The following PARD3B variants were observed in gnomAD, a reference collection of about 807,000 sequenced individuals.
PARD3B encodes par-3 family cell polarity regulator beta.
PARD3B carries 103 observed loss-of-function variants against 130.2 expected under a neutral mutation model. The ratio of observed to expected loss-of-function variants is 0.79; its 90% CI spans 0.67 to 0.93. The LOEUF is 0.93. Ranked by LOEUF, PARD3B falls within the 40% of genes least tolerant of loss-of-function variation. The pLI is 0.00. For synonymous variants in PARD3B, 583 were observed against 553.2 expected, an observed-to-expected ratio of 1.05 and a Z score of -0.76; for missense variants, 1,609 against 1,499.2, an observed-to-expected ratio of 1.07 and a Z score of -1.21.
intron 16 of PARD3B, among the ~76,000 whole-genome samples, chr2:205,298,296 C>G (rs1036148400): frequency 6.6e-6 from 1 of 152,156 alleles, no homozygotes; most frequent in African/African-American, 2.4e-5. Context: ...AAAGCTTTTA[C>G]TATTGCTTCT....
At chr2:205,037,604 T>G (rs558334877) in intron 3 of PARD3B, among the ~76,000 whole-genome samples, 1 of 148,298 alleles carries the variant, frequency 6.7e-6, no homozygotes, top group Non-Finnish European at 1.5e-5. Flanking sequence ...TATATATATT[T>G]TATATATATT....
At chr2:204,901,565 A>G (rs573033463) in intron 2 of PARD3B, among the ~76,000 whole-genome samples, 5 of 151,792 alleles carry the variant, frequency 3.3e-5, no homozygotes, top group Admixed American at 3.3e-4. Context: ...GGAACCCTAG[A>G]ATCTACTTGG....
At chr2:205,208,584 C>T (rs2037450385) in intron 15 of PARD3B, among the ~76,000 whole-genome samples, 1 of 142,344 alleles carries the variant, frequency 7.0e-6, no homozygotes, top group South Asian at 2.2e-4. Context: ...AACAGACAAA[C>T]AGAGAGCCAA....
At chr2:205,364,337 A>T (rs992809664) in intron 18 of PARD3B, among the ~76,000 whole-genome samples, 1 of 152,160 alleles carries the variant, frequency 6.6e-6, no homozygotes, top group Non-Finnish European at 1.5e-5. Flanking sequence ...CTTGACGTAG[A>T]TAAGAGAAAT....
At chr2:205,145,915 A>G (rs1164078413) in intron 10 of PARD3B, among the ~76,000 whole-genome samples, 1 of 151,390 alleles carries the variant, frequency 6.6e-6, no homozygotes, top group African/African-American at 2.4e-5. Context: ...GAGCCTGTAT[A>G]TTAGACATTG....
chr2:204,630,718 T>G (rs994292980), intron 1 of PARD3B, among the ~76,000 whole-genome samples: 11 of 152,182 alleles, frequency 7.2e-5, no homozygotes, highest in African/African-American at 2.7e-4. Context: ...GTGTTAGACT[T>G]TCTTTTCAAG....
At chr2:205,165,438 A>T in intron 11 of PARD3B, among the ~76,000 whole-genome samples, 1 of 151,690 alleles carries the variant, frequency 6.6e-6, no homozygotes, top group East Asian at 1.9e-4. Context: ...TTTTAAAATG[A>T]AAAGATTTAT....
intron 2 of PARD3B, among the ~76,000 whole-genome samples, chr2:204,959,745 T>A (rs1050205903): frequency 6.6e-6 from 1 of 152,212 alleles, no homozygotes; most frequent in Admixed American, 6.5e-5. Flanking sequence ...GTTTCAGATG[T>A]TCCTTTCAGA....
In PARD3B at chr2:204,669,961, A is replaced by G. The variant is rs2036218181; in HGVS notation, c.121-16220A>G. Among the ~76,000 whole-genome samples, 1 of 152,152 alleles carries G rather than the reference A, an allele frequency of 6.6e-6. No homozygotes were observed. The highest frequency in any genetic ancestry group is 2.1e-4 in the South Asian group (1 of 4,832). Reference sequence around the variant, plus strand: ...AAGGATGGAAAAGTTGGGGGACTCTAAATTCACTAAGTTCCCATGAATGAT... The same window carrying G: ...AAGGATGGAAAAGTTGGGGGACTCTGAATTCACTAAGTTCCCATGAATGAT... On this transcript the variant is annotated intron_variant, in intron 1 of 22. Transcript: ENST00000406610. The surrounding 1 kb of genome is among the most constrained non-coding windows in gnomAD (Gnocchi z 4.3).
At chr2:204,611,319 T>C (rs761788469) in intron 1 of PARD3B, among the ~76,000 whole-genome samples, 5 of 152,174 alleles carry the variant, frequency 3.3e-5, no homozygotes, top group Admixed American at 6.5e-5. Flanking sequence ...ATTTGCTACA[T>C]AGTTAAAACT....
At chr2:204,640,634 A>G (rs185954602) in intron 1 of PARD3B, among the ~76,000 whole-genome samples, 7 of 152,252 alleles carry the variant, frequency 4.6e-5, no homozygotes, top group Non-Finnish European at 7.4e-5. Context: ...AACCTTGCCT[A>G]CACTTGCTGT....
intron 3 of PARD3B, among the ~76,000 whole-genome samples, chr2:204,997,837 AATT>A: frequency 6.7e-6 from 1 of 150,076 alleles, no homozygotes; most frequent in African/African-American, 2.4e-5. Flanking sequence ...ATAGATATAT[AATT>A]ATTTTATATT....
chr2:204,973,335 G>A (rs236836), intron 3 of PARD3B, among the ~76,000 whole-genome samples: 105,863 of 152,084 alleles, frequency 0.7, 38,174 homozygotes, highest in African/African-American at 0.88. Context: ...TTGTGGCCAT[G>A]AAATAGATTA....
chr2:205,432,365 A>G (rs140351542), intron 19 of PARD3B, among the ~76,000 whole-genome samples: 15 of 152,254 alleles, frequency 9.9e-5, no homozygotes, highest in South Asian at 8.3e-4. Context: ...CACTGCTCGC[A>G]ACCTCTAGTT....
intron 3 of PARD3B, among the ~76,000 whole-genome samples, chr2:204,965,955 T>C (rs186768762): frequency 6.6e-6 from 1 of 152,318 alleles, no homozygotes; most frequent in East Asian, 1.9e-4. Context: ...TAGCTCAATT[T>C]AACTGCATGA....
chr2:205,501,457 C>T (rs2050156908), intron 21 of PARD3B, among the ~76,000 whole-genome samples: 1 of 152,162 alleles, frequency 6.6e-6, no homozygotes, highest in African/African-American at 2.4e-5. Flanking sequence ...GATTAGATAA[C>T]AATTCACTCA....
chr2:205,090,034 G>A (rs1407383921), intron 4 of PARD3B, among the ~76,000 whole-genome samples: 2 of 152,210 alleles, frequency 1.3e-5, no homozygotes, highest in Non-Finnish European at 2.9e-5. Context: ...CATCAACGGA[G>A]TACCCTCAGC....
intron 20 of PARD3B, among the ~76,000 whole-genome samples, chr2:205,445,320 A>G (rs1217694160): frequency 3.9e-5 from 6 of 152,196 alleles, no homozygotes; most frequent in Non-Finnish European, 7.3e-5. Flanking sequence ...GCACTGCTAT[A>G]ATGAGATACC....
intron 18 of PARD3B, among the ~76,000 whole-genome samples, chr2:205,330,342 A>C (rs2043077602): frequency 6.7e-6 from 1 of 150,050 alleles, no homozygotes; most frequent in Admixed American, 6.6e-5. Flanking sequence ...CTCCACCCCA[A>C]AAAAAAAATT....
Sources: gnomAD v4.1 joint callset for allele counts (sites outside exome capture counted in the v4.1 genomes callset) on GRCh38, gnomAD v4.1.1 for gene constraint, Gnocchi (gnomAD v3.1) non-coding constraint, MANE v1.5 for transcripts, NCBI Gene and HGNC (gene_info 2026-07-23, HGNC 2026-07-21) for gene names.